The following EGFL6 variants were observed in gnomAD, a reference collection of about 807,000 sequenced individuals.
The protein encoded by EGFL6 is epidermal growth factor-like protein 6.
Under a neutral mutation model 43.1 loss-of-function variants are expected in EGFL6, and 42 were observed. That is an observed-to-expected ratio of 0.98 (90% CI 0.76 to 1.26). EGFL6 has a LOEUF of 1.26. Ranked by LOEUF, EGFL6 falls within the 50% of genes most tolerant of loss-of-function variation. EGFL6 has a pLI of 0.00. For missense variants in EGFL6, 429 were observed against 427.8 expected (o/e 1.00, Z -0.02); for synonymous variants, 164 against 163.2 (o/e 1.01, Z -0.04).
rs371965429 is a variant in EGFL6 at position 13,594,947 on chromosome X, G to A, written c.280+19G>A. 18 of 1,148,054 alleles carry A rather than the reference G, an allele frequency of 1.6e-5. No individual in the cohort carries two copies. Among genetic ancestry groups the A allele is most frequent in the Non-Finnish European group, 1.9e-5 (16 of 840,727 alleles). 94.6% of individuals were successfully genotyped at this position (1,148,054 alleles called of 1,213,427 possible). On this transcript the variant is annotated intron_variant, in intron 3 of 11. Transcript: ENST00000361306. ...AGTCAAGGTCAGTAAGGTAGCCCAG[G>A]GTCATAGTTCAAATTCAATCATTGC...
At chrX:13,616,138 T>C in intron 7 of EGFL6, among the ~76,000 whole-genome samples, 1 of 112,355 alleles carries the variant, frequency 8.9e-6, no homozygotes, top group Non-Finnish European at 1.9e-5. Flanking sequence ...ATTTAATTTT[T>C]TAAAAATTAA....
intron 7 of EGFL6, among the ~76,000 whole-genome samples, chrX:13,613,223 T>C (rs890302726): frequency 9.4e-6 from 1 of 106,593 alleles, no homozygotes; most frequent in Non-Finnish European, 1.9e-5. Flanking sequence ...TTAAGTTCAT[T>C]GTTTTGAAAA....
At chrX:13,611,622 G>A (rs1173329098) in intron 7 of EGFL6, among the ~76,000 whole-genome samples, 1 of 112,400 alleles carries the variant, frequency 8.9e-6, no homozygotes, top group East Asian at 2.8e-4. Flanking sequence ...TGCAGCCTGT[G>A]TTTTCTATAT....
chrX:13,607,177 G>T (rs1602651486), intron 6 of EGFL6, among the ~76,000 whole-genome samples: 1 of 111,397 alleles, frequency 9.0e-6, no homozygotes, highest in Non-Finnish European at 1.9e-5. Context: ...GTGAGGTGGG[G>T]TATTTGGGGA....
At chrX:13,619,373 A>C (rs1442848320) in intron 9 of EGFL6, 130 bp downstream of exon 9, 1 of 540,031 alleles carries the variant, frequency 1.9e-6, no homozygotes, top group Non-Finnish European at 3.2e-6. Flanking sequence ...AAATCATTAC[A>C]TCACACACAC....
chrX:13,606,009 T>C (rs2045658205), intron 5 of EGFL6, among the ~76,000 whole-genome samples: 1 of 111,907 alleles, frequency 8.9e-6, no homozygotes. Flanking sequence ...GTATATGTTA[T>C]ACAATATACA....
chrX:13,595,600 C>T (rs1320862934), intron 3 of EGFL6, among the ~76,000 whole-genome samples: 1 of 112,130 alleles, frequency 8.9e-6, no homozygotes, highest in Non-Finnish European at 1.9e-5. Flanking sequence ...ACAAACAGTG[C>T]TAAATCTAAC....
chrX:13,601,644 C>T (rs951113267), intron 4 of EGFL6, among the ~76,000 whole-genome samples: 9 of 112,104 alleles, frequency 8.0e-5, no homozygotes, highest in Non-Finnish European at 5.6e-5. Context: ...CCACCAGTCA[C>T]GTAGATCTTC....
intron 1 of EGFL6, among the ~76,000 whole-genome samples, chrX:13,573,196 G>A (rs2045452341): frequency 8.9e-6 from 1 of 111,757 alleles, no homozygotes; most frequent in South Asian, 3.8e-4. Context: ...AGGTTCCGGG[G>A]ATTAGGATGT....
At chrX:13,591,054 A>G (rs1260406752) in intron 2 of EGFL6, among the ~76,000 whole-genome samples, 1 of 111,845 alleles carries the variant, frequency 8.9e-6, no homozygotes, top group Admixed American at 9.5e-5. Flanking sequence ...TGTATGCATT[A>G]AAGGGTGAGT....
At chrX:13,578,647 G>C (rs991346668) in intron 1 of EGFL6, among the ~76,000 whole-genome samples, 2 of 111,018 alleles carry the variant, frequency 1.8e-5, no homozygotes, top group Non-Finnish European at 3.8e-5. Flanking sequence ...GATGAAGCTG[G>C]AAACCATCAT....
At chrX:13,608,892 G>A (rs1054552026) in intron 7 of EGFL6, among the ~76,000 whole-genome samples, 2 of 112,337 alleles carry the variant, frequency 1.8e-5, no homozygotes, top group Non-Finnish European at 3.8e-5. Flanking sequence ...CCAAAACAAA[G>A]TAAGGCAAAG....
intron 11 of EGFL6, 47 bp downstream of exon 11, chrX:13,627,323 A>G: frequency 8.5e-7 from 1 of 1,177,277 alleles, no homozygotes; most frequent in East Asian, 3.0e-5. Flanking sequence ...ATTCTTTTGC[A>G]ATGATTTAAC....
intron 9 of EGFL6, among the ~76,000 whole-genome samples, chrX:13,623,377 G>GGTTTTTTTTTTTTTTTTT (rs2045759254): frequency 2.5e-5 from 1 of 40,371 alleles, no homozygotes; most frequent in Non-Finnish European, 4.2e-5. Flanking sequence ...TTTATTTTGG[G>GGTTTTTTTTTTTTTTTTT]TTTTTTTTTT....
chrX:13,572,185 A>G (rs2045446736), intron 1 of EGFL6, among the ~76,000 whole-genome samples: 1 of 111,571 alleles, frequency 9.0e-6, no homozygotes, highest in Non-Finnish European at 1.9e-5. Flanking sequence ...GATACCCTAG[A>G]CCTGTCCAAT....
intron 3 of EGFL6, 63 bp from the exon 4 acceptor site, chrX:13,599,912 A>T: frequency 8.5e-7 from 1 of 1,172,978 alleles, no homozygotes; most frequent in Non-Finnish European, 1.2e-6. Flanking sequence ...GGGGTCTAAT[A>T]TTCCCCATCT....
At chrX:13,595,530 G>A (rs1000801954) in intron 3 of EGFL6, among the ~76,000 whole-genome samples, 21 of 111,396 alleles carry the variant, frequency 1.9e-4, no homozygotes, top group Admixed American at 3.8e-4. Context: ...TTTATCCTTT[G>A]TGCAAAAATG....
At chrX:13,598,811 CATATATATAATTCAT>C (rs1394977609) in intron 3 of EGFL6, among the ~76,000 whole-genome samples, 2 of 103,064 alleles carry the variant, frequency 1.9e-5, no homozygotes, top group African/African-American at 3.5e-5. Context: ...ATATAATTCA[CATATATATAATTCAT>C]ATATATATTT....
intron 8 of EGFL6, among the ~76,000 whole-genome samples, chrX:13,618,485 C>A (rs1052419490): frequency 4.4e-5 from 5 of 112,547 alleles, no homozygotes; most frequent in Non-Finnish European, 5.6e-5. Flanking sequence ...GAAAATGGAA[C>A]CTCACAGTTG....
Sources: gnomAD v4.1 joint callset for allele counts (sites outside exome capture counted in the v4.1 genomes callset) on GRCh38, gnomAD v4.1.1 for gene constraint, MANE v1.5 for transcripts, NCBI Gene and HGNC (gene_info 2026-07-23, HGNC 2026-07-21) for gene names.